The following ASIC2 variants were observed in gnomAD, a reference collection of about 807,000 sequenced individuals.
ASIC2 encodes acid-sensing ion channel 2.
A neutral mutation model predicts 57.3 loss-of-function variants in ASIC2; 25 were observed. The ratio of observed to expected loss-of-function variants is 0.44; its 90% confidence interval spans 0.32 to 0.61. The LOEUF (loss-of-function observed/expected upper bound fraction) is 0.61, where lower values mean the gene tolerates loss of function less well. Ranked by LOEUF, ASIC2 falls within the 20% of genes least tolerant of loss-of-function variation. ASIC2 has a pLI of 0.06. For synonymous variants in ASIC2, 319 were observed against 307.5 expected, an observed-to-expected ratio of 1.04 and a Z score of -0.39; for missense variants, 641 against 738.1, an observed-to-expected ratio of 0.87 and a Z score of 1.52.
chr17:33,907,896 C>T (rs980994355), intron 1 of ASIC2, among the ~76,000 whole-genome samples: 5 of 152,122 alleles, frequency 3.3e-5, no homozygotes, highest in Non-Finnish European at 5.9e-5. Flanking sequence ...GATAATGGGC[C>T]ACAGTGGGAC....
chr17:34,010,880 A>G (rs1268113688), intron 1 of ASIC2, among the ~76,000 whole-genome samples: 1 of 152,078 alleles, frequency 6.6e-6, no homozygotes, highest in Non-Finnish European at 1.5e-5. Context: ...ACCCCTGCTC[A>G]GAGTGTTGTC....
intron 1 of ASIC2, among the ~76,000 whole-genome samples, chr17:33,915,181 C>G (rs1002944424): frequency 6.6e-6 from 1 of 152,086 alleles, no homozygotes; most frequent in Non-Finnish European, 1.5e-5. Context: ...ACCAATAATC[C>G]AAGAAGTGAG....
At chr17:33,772,808 T>G (rs532463439) in intron 1 of ASIC2, among the ~76,000 whole-genome samples, 1 of 152,318 alleles carries the variant, frequency 6.6e-6, no homozygotes, top group Non-Finnish European at 1.5e-5. Flanking sequence ...AGGCGGAGAC[T>G]CAAATCCCAG....
chr17:33,580,188 G>C (rs1904386283), intron 1 of ASIC2: 1 of 152,132 alleles, frequency 6.6e-6, no homozygotes, highest in Admixed American at 6.5e-5. Flanking sequence ...CTGGCATGGA[G>C]AACTCAGACT....
intron 1 of ASIC2, among the ~76,000 whole-genome samples, chr17:33,658,664 A>C (rs1296456938): frequency 2.6e-5 from 4 of 152,090 alleles, no homozygotes; most frequent in East Asian, 1.9e-4. Flanking sequence ...GTGCCTTTAT[A>C]AGTGCATGCA....
chr17:33,838,139 C>T (rs1044668065), intron 1 of ASIC2, among the ~76,000 whole-genome samples: 1 of 152,138 alleles, frequency 6.6e-6, no homozygotes, highest in African/African-American at 2.4e-5. Context: ...CTTCTCCCAA[C>T]CAGAGTAGAA....
chr17:33,278,590 G>C (rs1465244924), intron 1 of ASIC2, among the ~76,000 whole-genome samples: 1 of 152,020 alleles, frequency 6.6e-6, no homozygotes, highest in East Asian at 1.9e-4. Context: ...CCATCGTTCT[G>C]ATCTTTGGGG....
At chr17:33,864,067 C>T (rs1278232610) in intron 1 of ASIC2, among the ~76,000 whole-genome samples, 2 of 150,352 alleles carry the variant, frequency 1.3e-5, no homozygotes, top group East Asian at 3.9e-4. Flanking sequence ...TTATGCCCTG[C>T]TAATTTTGTA....
At chr17:33,384,156 C>T (rs1488315069) in intron 1 of ASIC2, among the ~76,000 whole-genome samples, 1 of 152,170 alleles carries the variant, frequency 6.6e-6, no homozygotes, top group Admixed American at 6.5e-5. Flanking sequence ...GGAAAGTGAT[C>T]TGATACTGAG....
At chr17:33,431,972 T>A (rs1184317439) in intron 1 of ASIC2, among the ~76,000 whole-genome samples, 2 of 151,966 alleles carry the variant, frequency 1.3e-5, no homozygotes, top group Non-Finnish European at 2.9e-5. Context: ...ATGTAAAAAA[T>A]ACTCAAAGAC....
chr17:34,049,675 T>C (rs1470451823), intron 1 of ASIC2, among the ~76,000 whole-genome samples: 2 of 152,226 alleles, frequency 1.3e-5, no homozygotes, highest in Non-Finnish European at 2.9e-5. Flanking sequence ...ATTTCACATC[T>C]GCATGATATA....
intron 1 of ASIC2, among the ~76,000 whole-genome samples, chr17:34,026,633 C>T (rs8079966): frequency 0.022 from 3,379 of 152,236 alleles, 131 homozygotes; most frequent in African/African-American, 0.077. Context: ...CTAATAAAAA[C>T]GTTCTTTCTG....
intron 1 of ASIC2, among the ~76,000 whole-genome samples, chr17:33,945,553 T>A (rs1205041904): frequency 2.0e-5 from 3 of 152,034 alleles, no homozygotes; most frequent in African/African-American, 7.2e-5. Flanking sequence ...GGCTTAGACA[T>A]GGCAAGCAGA....
chr17:34,024,785 A>T (rs966415543), intron 1 of ASIC2, among the ~76,000 whole-genome samples: 5 of 152,172 alleles, frequency 3.3e-5, no homozygotes, highest in South Asian at 2.1e-4. Context: ...TTCAGAGTCC[A>T]TTTTTTTGTG....
chr17:33,946,059 T>G (rs1299115892), intron 1 of ASIC2, among the ~76,000 whole-genome samples: 1 of 152,168 alleles, frequency 6.6e-6, no homozygotes, highest in Non-Finnish European at 1.5e-5. Context: ...TCATTAACTG[T>G]GATTAAGGCA....
Position 33,918,491 on chromosome 17 carries a change from T to A in ASIC2, c.555+237487A>T, listed in dbSNP as rs142861871. On this transcript the variant is annotated intron_variant, in intron 1 of 9. Coordinates refer to the ASIC2 transcript ENST00000359872. ...AGCTTTTTGTACTAAAAAGGATTCT[T>A]TGCCTGAAAAGTTAAAAAAATATTT... Among the ~76,000 whole-genome samples, 5 of 152,330 alleles carry A rather than the reference T, an allele frequency of 3.3e-5. No individual in the cohort carries two copies. The East Asian group carries it at 9.7e-4, about 29-fold the overall frequency.
chr17:33,866,962 C>T (rs1914253105), intron 1 of ASIC2, among the ~76,000 whole-genome samples: 1 of 152,198 alleles, frequency 6.6e-6, no homozygotes, highest in Non-Finnish European at 1.5e-5. Flanking sequence ...TTGGACACAT[C>T]AGTCATGCAG....
intron 1 of ASIC2, among the ~76,000 whole-genome samples, chr17:33,247,023 G>T (rs1268901213): frequency 6.6e-6 from 1 of 152,220 alleles, no homozygotes; most frequent in Non-Finnish European, 1.5e-5. Flanking sequence ...GAAAAGGGCA[G>T]GAATGAAATG....
At chr17:33,899,310 C>T (rs766189224) in intron 1 of ASIC2, among the ~76,000 whole-genome samples, 2 of 152,126 alleles carry the variant, frequency 1.3e-5, no homozygotes, top group Admixed American at 6.5e-5. Flanking sequence ...GAAGCTGAAC[C>T]GTGGGGTGGA....
Sources: allele counts gnomAD v4.1 joint callset (sites outside exome capture counted in the v4.1 genomes callset), GRCh38; gene constraint gnomAD v4.1.1; transcripts MANE v1.5; gene names NCBI Gene and HGNC (gene_info 2026-07-23, HGNC 2026-07-21).